The following RFX7 variants were observed in gnomAD, a reference collection of about 807,000 sequenced individuals.
RFX7 encodes regulatory factor X7, also known as DNA-binding protein RFX7.
In RFX7, 26 loss-of-function variants were observed where a neutral mutation model predicts 111.8. The ratio of observed to expected loss-of-function variants is 0.23; its 90% CI spans 0.17 to 0.32. The LOEUF is 0.32. Among genes scored for constraint, RFX7 ranks in the 10% least tolerant of loss-of-function variants. The probability of loss-of-function intolerance (pLI) is 1.00; values close to 1 mark genes in which losing one functional copy is unlikely to be tolerated. For missense variants in RFX7, 1,573 were observed against 1,772.9 expected, an observed-to-expected ratio of 0.89 and a Z score of 2.02; for synonymous variants, 624 against 624.4, an observed-to-expected ratio of 1.00 and a Z score of 0.01.
chr15:56,207,260 C>T (rs2043263401), intron 2 of RFX7, among the ~76,000 whole-genome samples: 1 of 151,982 alleles, frequency 6.6e-6, no homozygotes, highest in Non-Finnish European at 1.5e-5. Context: ...CTGTGGGTAT[C>T]AGAGACTAGA....
intron 3 of RFX7, among the ~76,000 whole-genome samples, chr15:56,167,696 T>C (rs1242787233): frequency 1.3e-5 from 2 of 152,236 alleles, no homozygotes; most frequent in African/African-American, 4.8e-5. Flanking sequence ...TATTTTCATT[T>C]GTCTTTACCA....
At chr15:56,200,481 G>A (rs2043183662) in intron 2 of RFX7, among the ~76,000 whole-genome samples, 2 of 152,128 alleles carry the variant, frequency 1.3e-5, no homozygotes, top group South Asian at 4.1e-4. Flanking sequence ...AGTTTCAGAG[G>A]AAGTTACAAA....
At chr15:56,134,623 T>C (rs1360348552) in intron 5 of RFX7, among the ~76,000 whole-genome samples, 13 of 150,546 alleles carry the variant, frequency 8.6e-5, no homozygotes, top group African/African-American at 2.7e-4. Context: ...ACTTTCTTTT[T>C]TTTTTTTTAT....
chr15:56,233,175 C>G (rs1371373760), intron 2 of RFX7, among the ~76,000 whole-genome samples: 1 of 152,192 alleles, frequency 6.6e-6, no homozygotes, highest in Non-Finnish European at 1.5e-5. Context: ...AATGGACTCA[C>G]AGTTCCATGT....
intron 5 of RFX7, among the ~76,000 whole-genome samples, chr15:56,140,333 A>C (rs1417885891): frequency 6.6e-6 from 1 of 152,184 alleles, no homozygotes; most frequent in Non-Finnish European, 1.5e-5. Flanking sequence ...CCGCTTTTTA[A>C]GCCCGTCGGA....
At chr15:56,195,364 G>T (rs1038039982) in intron 2 of RFX7, among the ~76,000 whole-genome samples, 1 of 151,994 alleles carries the variant, frequency 6.6e-6, no homozygotes, top group Non-Finnish European at 1.5e-5. Flanking sequence ...AAATGCTACT[G>T]AATCATACAC....
intron 2 of RFX7, among the ~76,000 whole-genome samples, chr15:56,233,109 A>G (rs2141235443): frequency 6.6e-6 from 1 of 152,264 alleles, no homozygotes; most frequent in South Asian, 2.1e-4. Context: ...ATCTGTTTTC[A>G]CACCGTTGAT....
chr15:56,221,766 A>G (rs1306978319), intron 2 of RFX7, among the ~76,000 whole-genome samples: 1 of 152,178 alleles, frequency 6.6e-6, no homozygotes, highest in Non-Finnish European at 1.5e-5. Context: ...TTCACTTAAT[A>G]TTGTAAGTTC....
intron 2 of RFX7, 76 bp downstream of exon 2, chr15:56,243,049 G>GCCCCCCCCCC: frequency 1.0e-5 from 5 of 476,996 alleles, no homozygotes; most frequent in East Asian, 7.9e-5. Context: ...CGCTCCCCCC[G>GCCCCCCCCCC]CCCGCCGCCC....
At chr15:56,187,356 G>C (rs185763606) in intron 2 of RFX7, among the ~76,000 whole-genome samples, 2 of 151,860 alleles carry the variant, frequency 1.3e-5, no homozygotes, top group South Asian at 4.2e-4. Context: ...GATTACAGGC[G>C]CATGTTGCCA....
chr15:56,228,591 G>C (rs1469040202), intron 2 of RFX7, among the ~76,000 whole-genome samples: 1 of 152,028 alleles, frequency 6.6e-6, no homozygotes, highest in Admixed American at 6.6e-5. Flanking sequence ...TTTTTCATCA[G>C]TTCATTTAAT....
chr15:56,222,986 C>T (rs2043442655), intron 2 of RFX7, among the ~76,000 whole-genome samples: 1 of 152,086 alleles, frequency 6.6e-6, no homozygotes, highest in Admixed American at 6.6e-5. Flanking sequence ...TAGCTTTATG[C>T]TTTGTAGAAT....
intron 3 of RFX7, among the ~76,000 whole-genome samples, chr15:56,171,890 G>T (rs1473739193): frequency 6.6e-6 from 1 of 152,166 alleles, no homozygotes; most frequent in Non-Finnish European, 1.5e-5. Flanking sequence ...ATATAATTAG[G>T]AGTCATTGGT....
chr15:56,228,672 A>G (rs1416545948), intron 2 of RFX7, among the ~76,000 whole-genome samples: 2 of 152,218 alleles, frequency 1.3e-5, no homozygotes, highest in African/African-American at 4.8e-5. Flanking sequence ...AAACTTTTAA[A>G]ATGAGGCTGT....
intron 2 of RFX7, among the ~76,000 whole-genome samples, chr15:56,223,588 A>C (rs1187233317): frequency 1.3e-5 from 2 of 152,186 alleles, no homozygotes; most frequent in African/African-American, 2.4e-5. Flanking sequence ...CTGGAAGTTA[A>C]AATGTATCAA....
chr15:56,126,862 G>A (rs186428374), intron 5 of RFX7, among the ~76,000 whole-genome samples: 2 of 151,422 alleles, frequency 1.3e-5, no homozygotes, highest in Admixed American at 1.3e-4. Context: ...AAACAACAGA[G>A]CTCCAAAATA....
intron 3 of RFX7, among the ~76,000 whole-genome samples, chr15:56,173,650 C>T (rs947584340): frequency 6.6e-6 from 1 of 151,716 alleles, no homozygotes; most frequent in Non-Finnish European, 1.5e-5. Flanking sequence ...GGTGTAGTGG[C>T]GGATACCTGT....
intron 3 of RFX7, among the ~76,000 whole-genome samples, chr15:56,148,596 C>T (rs979221508): frequency 6.6e-6 from 1 of 152,168 alleles, no homozygotes; most frequent in Non-Finnish European, 1.5e-5. Flanking sequence ...AAAATACTGA[C>T]ATAAGAACTA....
intron 2 of RFX7, among the ~76,000 whole-genome samples, chr15:56,229,851 G>T (rs1266518337): frequency 6.6e-6 from 1 of 152,082 alleles, no homozygotes; most frequent in South Asian, 2.1e-4. Flanking sequence ...AAAAAGGAAG[G>T]AAGGAAAGAA....
Sources: gnomAD v4.1 joint callset for allele counts (sites outside exome capture counted in the v4.1 genomes callset) on GRCh38, gnomAD v4.1.1 for gene constraint, MANE v1.5 for transcripts, NCBI Gene and HGNC (gene_info 2026-07-23, HGNC 2026-07-21) for gene names.